ARPP21: variants seen among roughly 807,000 people sequenced by gnomAD.
ARPP21 encodes the protein cAMP-regulated phosphoprotein 21.
In ARPP21, 69 loss-of-function variants were observed where a neutral mutation model predicts 113.2. That is an observed-to-expected ratio of 0.61 (90% CI 0.50 to 0.74). The LOEUF is 0.74. Ranked by LOEUF, ARPP21 falls within the 30% of genes least tolerant of loss-of-function variation. ARPP21 has a pLI of 0.00. For synonymous variants in ARPP21, 368 were observed against 375.5 expected, an observed-to-expected ratio of 0.98 and a Z score of 0.23; for missense variants, 1,070 against 1,037.4, an observed-to-expected ratio of 1.03 and a Z score of -0.43.
intron 20 of ARPP21, 68 bp from the exon 21 acceptor site, chr3:35,793,633 C>G (rs2096791060): frequency 2.9e-6 from 3 of 1,034,298 alleles, no homozygotes; most frequent in Non-Finnish European, 4.6e-6. Flanking sequence ...TTTCATGACA[C>G]CATGTTGTTT....
chr3:35,761,443 C>G (rs558082358), intron 19 of ARPP21, among the ~76,000 whole-genome samples: 3 of 152,190 alleles, frequency 2.0e-5, no homozygotes, highest in South Asian at 4.1e-4. Context: ...ACCCCACACA[C>G]ATGAAGACAG....
At chr3:35,677,422 C>T (rs1442504130) in intron 1 of ARPP21, among the ~76,000 whole-genome samples, 1 of 151,874 alleles carries the variant, frequency 6.6e-6, no homozygotes, top group African/African-American at 2.4e-5. Flanking sequence ...TGAATTGTTA[C>T]TGTGTTCAAC....
chr3:35,733,653 GAATTGAAAACC>G (rs2094150133), intron 15 of ARPP21, among the ~76,000 whole-genome samples: 1 of 152,220 alleles, frequency 6.6e-6, no homozygotes, highest in African/African-American at 2.4e-5. Context: ...GTCATTGCCT[GAATTGAAAACC>G]AATCGTCACC....
intron 14 of ARPP21, among the ~76,000 whole-genome samples, chr3:35,725,796 C>T (rs2093484406): frequency 6.6e-6 from 1 of 152,114 alleles, no homozygotes; most frequent in Non-Finnish European, 1.5e-5. Context: ...TTTTCTCCTC[C>T]CTGTGGCTAC....
At chr3:35,753,056 G>A (rs1394904006) in intron 19 of ARPP21, among the ~76,000 whole-genome samples, 1 of 151,352 alleles carries the variant, frequency 6.6e-6, no homozygotes, top group East Asian at 1.9e-4. Flanking sequence ...GTGTGTGTGT[G>A]TGTGTGTGTG....
At chr3:35,678,401 T>C (rs2078045081) in intron 1 of ARPP21, among the ~76,000 whole-genome samples, 1 of 151,966 alleles carries the variant, frequency 6.6e-6, no homozygotes, top group Non-Finnish European at 1.5e-5. Flanking sequence ...GTTAAATAGT[T>C]TCTAATTTTT....
intron 19 of ARPP21, among the ~76,000 whole-genome samples, chr3:35,748,067 G>GAAGA (rs71622571): frequency 0.11 from 9,855 of 86,558 alleles, 952 homozygotes; most frequent in Admixed American, 0.15. Flanking sequence ...AAGAAGGAAG[G>GAAGA]AAGAAAGAAA....
chr3:35,686,740 T>A (rs1259724200), intron 5 of ARPP21, among the ~76,000 whole-genome samples: 1 of 151,686 alleles, frequency 6.6e-6, no homozygotes, highest in Non-Finnish European at 1.5e-5. Flanking sequence ...ATCTCTTACA[T>A]AAGAATAAGT....
At chr3:35,691,333 A>G (rs2082172203) in intron 9 of ARPP21, among the ~76,000 whole-genome samples, 1 of 151,712 alleles carries the variant, frequency 6.6e-6, no homozygotes, top group African/African-American at 2.4e-5. Flanking sequence ...ATTAAAAACA[A>G]TAGATATTTT....
At chr3:35,776,133 A>G (rs565734691) in intron 19 of ARPP21, among the ~76,000 whole-genome samples, 2 of 152,312 alleles carry the variant, frequency 1.3e-5, no homozygotes, top group Admixed American at 1.3e-4. Context: ...TTAAATGGGG[A>G]AAAGTAAAAT....
At chr3:35,728,755 C>A (rs1269411717) in intron 14 of ARPP21, among the ~76,000 whole-genome samples, 1 of 152,094 alleles carries the variant, frequency 6.6e-6, no homozygotes, top group African/African-American at 2.4e-5. Context: ...GATCCCAGGT[C>A]TTCTACTCAC....
chr3:35,742,320 C>T (rs745887028), intron 18 of ARPP21, among the ~76,000 whole-genome samples: 1 of 152,292 alleles, frequency 6.6e-6, no homozygotes, highest in South Asian at 2.1e-4. Context: ...TGGGAGGCAT[C>T]TGATGCATAA....
intron 19 of ARPP21, among the ~76,000 whole-genome samples, chr3:35,751,187 A>G (rs1004611260): frequency 1.3e-5 from 2 of 152,186 alleles, no homozygotes; most frequent in Admixed American, 6.5e-5. Context: ...GCAGCAAATC[A>G]TTTGATATGG....
chr3:35,653,711 T>C (rs1336231662), intron 1 of ARPP21, among the ~76,000 whole-genome samples: 1 of 152,236 alleles, frequency 6.6e-6, no homozygotes, highest in East Asian at 1.9e-4. Context: ...CTTCATGAGT[T>C]ACGTATAAAA....
At chr3:35,787,537 T>TG (rs2096658673) in intron 19 of ARPP21, among the ~76,000 whole-genome samples, 3 of 152,184 alleles carry the variant, frequency 2.0e-5, no homozygotes, top group African/African-American at 7.2e-5. Context: ...ACCCCTCAAC[T>TG]GTCTTCCTGG....
chr3:35,714,477 A>G (rs1030184849), intron 11 of ARPP21, among the ~76,000 whole-genome samples: 4 of 152,164 alleles, frequency 2.6e-5, no homozygotes, highest in African/African-American at 7.2e-5. Flanking sequence ...TTAAGTCTCT[A>G]TTTATTCCTG....
At chr3:35,780,854 G>A (rs566794052) in intron 19 of ARPP21, among the ~76,000 whole-genome samples, 21 of 152,136 alleles carry the variant, frequency 1.4e-4, no homozygotes, top group African/African-American at 4.3e-4. Context: ...CAGGAACAAC[G>A]TATTTCAGCT....
At chr3:35,761,530 A>G (rs1007007314) in intron 19 of ARPP21, among the ~76,000 whole-genome samples, 1 of 152,062 alleles carries the variant, frequency 6.6e-6, no homozygotes, top group African/African-American at 2.4e-5. Flanking sequence ...ACCTGTTGCC[A>G]CTGTCAGCAA....
chr3:35,793,221 A>T (rs2096782268), intron 20 of ARPP21, among the ~76,000 whole-genome samples: 1 of 152,152 alleles, frequency 6.6e-6, no homozygotes, highest in East Asian at 1.9e-4. Context: ...GTGTTCTCTA[A>T]AGTTGCAGGT....
Sources: allele counts gnomAD v4.1 joint callset (sites outside exome capture counted in the v4.1 genomes callset), GRCh38; gene constraint gnomAD v4.1.1; transcripts MANE v1.5; gene names NCBI Gene and HGNC (gene_info 2026-07-23, HGNC 2026-07-21).